TBC1D5: variants seen among roughly 807,000 people sequenced by gnomAD.
TBC1D5 encodes TBC1 domain family, member 5.
TBC1D5 carries 75 observed loss-of-function variants against 100.3 expected under a neutral mutation model. The observed-to-expected ratio is 0.75, with a 90% confidence interval of 0.62 to 0.91. The LOEUF is 0.91. TBC1D5 is among the 40% of genes least tolerant of loss of function. The pLI is 0.00. For synonymous variants in TBC1D5, 323 were observed against 325.6 expected (o/e 0.99, Z 0.09); for missense variants, 910 against 942.4 (o/e 0.97, Z 0.45).
At chr3:17,442,136 C>T (rs146657866) in intron 3 of TBC1D5, among the ~76,000 whole-genome samples, 14 of 152,258 alleles carry the variant, frequency 9.2e-5, no homozygotes, top group East Asian at 7.7e-4. Flanking sequence ...CAGCAGGCAT[C>T]GGGAGCAAAA....
chr3:17,741,686 G>C (rs755042695), upstream of TBC1D5, among the ~76,000 whole-genome samples: 1 of 151,612 alleles, frequency 6.6e-6, no homozygotes, highest in Non-Finnish European at 1.5e-5. Flanking sequence ...ACTAAAACGA[G>C]TAACTGGTAT....
chr3:17,590,096 C>A (rs1299666642), intron 2 of TBC1D5, among the ~76,000 whole-genome samples: 1 of 152,182 alleles, frequency 6.6e-6, no homozygotes. Context: ...AGACCTATAA[C>A]TAGACTAAAG....
rs558999302 is a variant in TBC1D5 at position 17,625,753 on chromosome 3, C to G, written c.-100-1840G>C. 3.0e-4 allele frequency among the ~76,000 whole-genome samples: 46 copies of G among 151,830 alleles called. 1 individual carries two copies. In the South Asian group the frequency reaches 9.2e-3, roughly 30 times the overall value. The stretch of plus-strand genomic sequence containing the variant: ...ATGAAATATATGACATTGTTCATGC[C>G]ACTAGATAAAAACACCTGAAGCAAA... On this transcript the variant is annotated intron_variant, in intron 1 of 21. Transcript: ENST00000253692.
chr3:17,321,305 C>T lies in TBC1D5; in HGVS notation c.996-13171G>A, dbSNP rs114375891. Among the ~76,000 whole-genome samples, 518 of 152,294 alleles carry T rather than the reference C, an allele frequency of 3.4e-3. 2 individuals are homozygous for T. Among genetic ancestry groups the T allele is most frequent in the African/African-American group, 0.012 (504 of 41,556 alleles). ...TCTCAAACTCCTGGCCTCAAGCCTC[C>T]CAAAGTGCTGAGATTACAGGTGTAT... On this transcript the variant is annotated intron_variant, in intron 13 of 21. Coordinates refer to ENST00000253692, the Ensembl canonical transcript of TBC1D5.
At chr3:17,602,484 T>A (rs2061026611) in intron 2 of TBC1D5, among the ~76,000 whole-genome samples, 1 of 151,762 alleles carries the variant, frequency 6.6e-6, no homozygotes, top group Non-Finnish European at 1.5e-5. Context: ...AGCATTAAGA[T>A]TAAACATTCT....
chr3:17,679,418 C>A (rs1387017505), intron 1 of TBC1D5, among the ~76,000 whole-genome samples: 3 of 151,280 alleles, frequency 2.0e-5, no homozygotes. Context: ...TATTATTATT[C>A]TAAAAAATGA....
chr3:17,651,714 T>G (rs1313996393), intron 1 of TBC1D5, among the ~76,000 whole-genome samples: 2 of 152,078 alleles, frequency 1.3e-5, no homozygotes, highest in Non-Finnish European at 2.9e-5. Flanking sequence ...AAAAAAATTT[T>G]TTTTTACATT....
rs115253129 is a variant in TBC1D5, at chr3:17,600,251, G to A, written c.-36+23598C>T. 6.8e-3 allele frequency among the ~76,000 whole-genome samples: 1,024 copies of A among 151,580 alleles called. 8 individuals are homozygous for A. Among genetic ancestry groups the A allele is most frequent in the African/African-American group, 0.023 (969 of 41,240 alleles). ...TGTTATGTTATGTTATGTTAATAAC[G>A]GAGGTGATAGGTGTATATAAACCAA... On this transcript the variant is annotated intron_variant, in intron 2 of 21. Coordinates refer to ENST00000253692, the Ensembl canonical transcript of TBC1D5.
At chr3:17,733,097 T>A (rs1297738144) in intron 1 of TBC1D5, among the ~76,000 whole-genome samples, 1 of 152,064 alleles carries the variant, frequency 6.6e-6, no homozygotes, top group East Asian at 1.9e-4. Context: ...AGAAAATCAG[T>A]AAGAGGGCAG....
chr3:17,536,338 A>G (rs58003185), intron 2 of TBC1D5, among the ~76,000 whole-genome samples: 10,516 of 152,272 alleles, frequency 0.069, 713 homozygotes, highest in African/African-American at 0.18. Flanking sequence ...AGGTGATTTG[A>G]AAATAGCCAT....
intron 2 of TBC1D5, among the ~76,000 whole-genome samples, chr3:17,510,009 A>G (rs1002891556): frequency 1.8e-4 from 27 of 152,214 alleles, no homozygotes; most frequent in African/African-American, 6.5e-4. Flanking sequence ...CTTTCAAAAC[A>G]TAAACCAAGT....
intron 18 of TBC1D5, among the ~76,000 whole-genome samples, chr3:17,204,615 A>C (rs1307845747): frequency 6.6e-6 from 1 of 152,192 alleles, no homozygotes. Flanking sequence ...TGGAGGAAGA[A>C]GACCCAGCAT....
chr3:17,249,077 T>C (rs780658329), intron 16 of TBC1D5, among the ~76,000 whole-genome samples: 21 of 152,186 alleles, frequency 1.4e-4, no homozygotes, highest in Non-Finnish European at 2.5e-4. Flanking sequence ...GCCTTGCTTC[T>C]AGATTAGGTT....
intron 13 of TBC1D5, among the ~76,000 whole-genome samples, chr3:17,314,772 C>CT (rs1360091030): frequency 6.6e-6 from 1 of 152,152 alleles, no homozygotes; most frequent in African/African-American, 2.4e-5. Context: ...GTCAGAGCTC[C>CT]TAAAATCTAC....
At chr3:17,326,762 G>C (rs567124704) in intron 13 of TBC1D5, among the ~76,000 whole-genome samples, 13 of 152,270 alleles carry the variant, frequency 8.5e-5, no homozygotes, top group African/African-American at 2.9e-4. Context: ...GCATGAGCCA[G>C]GGCAGCCAGC....
intron 19 of TBC1D5, among the ~76,000 whole-genome samples, chr3:17,169,927 C>G (rs2067002821): frequency 6.6e-6 from 1 of 152,220 alleles, no homozygotes; most frequent in African/African-American, 2.4e-5. Flanking sequence ...AGCGCACAAC[C>G]TTGATCCCTC....
At chr3:17,472,511 G>A (rs62248266) in intron 3 of TBC1D5, among the ~76,000 whole-genome samples, 1,766 of 152,044 alleles carry the variant, frequency 0.012, 18 homozygotes, top group Non-Finnish European at 0.02. Context: ...TAACTAAAAT[G>A]GTAACACCCT....
At chr3:17,715,627 C>T (rs572806963) in intron 1 of TBC1D5, among the ~76,000 whole-genome samples, 1 of 152,130 alleles carries the variant, frequency 6.6e-6, no homozygotes, top group South Asian at 2.1e-4. Context: ...GGCAACAGAG[C>T]AACATTCCAT....
chr3:17,397,003 G>A (rs772102525), intron 8 of TBC1D5, among the ~76,000 whole-genome samples: 2 of 152,172 alleles, frequency 1.3e-5, no homozygotes, highest in South Asian at 2.1e-4. Flanking sequence ...GTCCAGTACA[G>A]TATATACAGT....
Sources: gnomAD v4.1 joint callset for allele counts (sites outside exome capture counted in the v4.1 genomes callset) on GRCh38, gnomAD v4.1.1 for gene constraint, MANE v1.5 for transcripts, NCBI Gene and HGNC (gene_info 2026-07-23, HGNC 2026-07-21) for gene names.